The following AOPEP variants were observed in gnomAD, a reference collection of about 807,000 sequenced individuals.
AOPEP encodes the protein aminopeptidase O.
In AOPEP, 77 loss-of-function variants were observed where a neutral mutation model predicts 98.1. That is an observed-to-expected ratio of 0.78 (90% CI 0.65 to 0.95). The LOEUF is 0.95. AOPEP is among the 40% of genes least tolerant of loss of function. AOPEP has a pLI of 0.00. For missense variants in AOPEP, 1,024 were observed against 1,024.7 expected (o/e 1.00, Z 0.01); for synonymous variants, 346 against 365.3 (o/e 0.95, Z 0.60).
the AOPEP span, among the ~76,000 whole-genome samples, chr9:95,127,764 A>T: frequency 6.6e-6 from 1 of 152,238 alleles, no homozygotes; most frequent in Non-Finnish European, 1.5e-5. Flanking sequence ...GATCACACTG[A>T]GGCAGGACCG....
intron 4 of AOPEP, 113 bp from the exon 5 acceptor site, chr9:94,800,644 G>A (rs1038614407): frequency 2.7e-6 from 3 of 1,102,332 alleles, no homozygotes; most frequent in Non-Finnish European, 4.1e-6. Context: ...GTCTTTGCTT[G>A]TGAGTCTGTC....
chr9:94,765,018 T>C (rs1839227630), intron 2 of AOPEP, among the ~76,000 whole-genome samples: 1 of 152,184 alleles, frequency 6.6e-6, no homozygotes, highest in African/African-American at 2.4e-5. Context: ...GGCAGGGTTC[T>C]CTGGAGAAGA....
intron 2 of AOPEP, chr9:94,763,152 T>G (rs77138982): frequency 8.8e-6 from 4 of 452,538 alleles, no homozygotes; most frequent in Non-Finnish European, 1.8e-5. Context: ...GACTGGAAGC[T>G]TCTAGATAAA....
intron 5 of AOPEP, among the ~76,000 whole-genome samples, chr9:94,892,349 A>T (rs1301904020): frequency 6.6e-6 from 1 of 151,916 alleles, no homozygotes; most frequent in South Asian, 2.1e-4. Flanking sequence ...ATTTTTTTCT[A>T]TTTTCTCACT....
rs1285010707 is a variant in AOPEP, at chr9:94,895,251, AT to A, written c.1365-28734del. 1.5e-4 allele frequency among the ~76,000 whole-genome samples: 23 copies of A among 150,446 alleles called. 1 individual carries two copies. The highest frequency in any genetic ancestry group is 5.4e-4 in the African/African-American group (22 of 40,814). On this transcript the variant is annotated intron_variant, in intron 5 of 16. Transcript: ENST00000375315. ...AAATAAAATAAAATAAAAAAAAAAAATAGCTGGGCATGGTGGTGTGCACCTG... is the reference window on the plus strand; with the variant it reads ...AAATAAAATAAAATAAAAAAAAAAAAAGCTGGGCATGGTGGTGTGCACCTG...
chr9:95,099,976 C>A, the AOPEP span: 1 of 232,418 alleles, frequency 4.3e-6, no homozygotes, highest in Non-Finnish European at 8.5e-6. Context: ...AGTCCCTCCA[C>A]AACAGGAGGC....
intron 1 of AOPEP, among the ~76,000 whole-genome samples, chr9:94,738,172 C>A (rs572212832): frequency 2.7e-4 from 41 of 152,268 alleles, no homozygotes; most frequent in African/African-American, 9.6e-4. Flanking sequence ...TTTTTTGGTG[C>A]AGTTGCTACT....
intron 13 of AOPEP, among the ~76,000 whole-genome samples, chr9:95,048,406 A>G (rs1326319271): frequency 6.6e-6 from 1 of 151,116 alleles, no homozygotes; most frequent in Non-Finnish European, 1.5e-5. Context: ...GTAATTGCCT[A>G]ATTGCCGGGT....
intron 2 of AOPEP, among the ~76,000 whole-genome samples, chr9:94,768,498 T>A (rs953964642): frequency 3.9e-5 from 6 of 152,270 alleles, no homozygotes; most frequent in Non-Finnish European, 7.3e-5. Flanking sequence ...ACGTTAGTCC[T>A]AGCTGACCTC....
At chr9:94,770,344 A>G (rs373249747) in intron 2 of AOPEP, among the ~76,000 whole-genome samples, 17 of 152,324 alleles carry the variant, frequency 1.1e-4, no homozygotes, top group African/African-American at 4.1e-4. Context: ...TAGCAGTTTA[A>G]AAGAACAAAC....
intron 5 of AOPEP, among the ~76,000 whole-genome samples, chr9:94,828,379 A>G (rs1020272693): frequency 9.9e-5 from 15 of 152,150 alleles, no homozygotes; most frequent in Admixed American, 2.6e-4. Flanking sequence ...TCTTTGATCC[A>G]TTTTAAGTTG....
intron 5 of AOPEP, among the ~76,000 whole-genome samples, chr9:94,902,822 G>A (rs1208106269): frequency 2.6e-5 from 4 of 151,416 alleles, no homozygotes; most frequent in Admixed American, 6.6e-5. Flanking sequence ...TTGGGAGGCC[G>A]AGGTGGGCAG....
rs184197521 is a variant in AOPEP at position 94,872,822 on chromosome 9, T to C, written c.1365-51164T>C. Among the ~76,000 whole-genome samples, 13 of 152,292 alleles carry C rather than the reference T, an allele frequency of 8.5e-5. No homozygotes were observed. In the East Asian group the frequency reaches 1.7e-3, roughly 20 times the overall value. On this transcript the variant is annotated intron_variant, in intron 5 of 16. Coordinates refer to ENST00000375315, the MANE Select transcript of AOPEP (RefSeq NM_001193329.3). ...AACAAACAGCCATTAAGTGCAATCA[T>C]TGGTGCCTTAAAACTTTAAGGAAAA... is the stretch of plus-strand genomic sequence containing the variant.
At chr9:94,743,910 G>A (rs1198223049) in intron 1 of AOPEP, among the ~76,000 whole-genome samples, 7 of 152,190 alleles carry the variant, frequency 4.6e-5, no homozygotes, top group Admixed American at 3.9e-4. Flanking sequence ...AGAGTTAAGC[G>A]AGCAGGGACT....
intron 9 of AOPEP, among the ~76,000 whole-genome samples, chr9:94,962,997 G>C (rs1018496719): frequency 6.6e-6 from 1 of 152,024 alleles, no homozygotes. Context: ...GCCCACCTCA[G>C]CCTCCCAAAG....
chr9:94,759,455 T>C (rs887513523), intron 1 of AOPEP, among the ~76,000 whole-genome samples, 194 bp from the exon 2 acceptor site: 3 of 152,188 alleles, frequency 2.0e-5, no homozygotes, highest in African/African-American at 7.2e-5. Flanking sequence ...CAGTTGGTAA[T>C]TGAAATATTT....
intron 1 of AOPEP, among the ~76,000 whole-genome samples, chr9:94,755,230 A>G (rs943211624): frequency 2.0e-5 from 3 of 152,182 alleles, no homozygotes; most frequent in Non-Finnish European, 4.4e-5. Flanking sequence ...ACAGGCTGGC[A>G]TTTTGAATTG....
intron 5 of AOPEP, among the ~76,000 whole-genome samples, chr9:94,907,039 T>A (rs1016219607): frequency 5.3e-5 from 8 of 152,142 alleles, no homozygotes; most frequent in African/African-American, 1.9e-4. Flanking sequence ...AGGTCGGAAT[T>A]TTCCTCTTTC....
chr9:95,145,532 T>C, the AOPEP span: 1 of 151,914 alleles, frequency 6.6e-6, no homozygotes, highest in Admixed American at 6.6e-5. Context: ...GAAAAATTGG[T>C]TTCAAAGTTT....
Sources: allele counts gnomAD v4.1 joint callset (sites outside exome capture counted in the v4.1 genomes callset), GRCh38; gene constraint gnomAD v4.1.1; transcripts MANE v1.5; gene names NCBI Gene and HGNC (gene_info 2026-07-23, HGNC 2026-07-21).